ALDH3A1: variants seen among roughly 807,000 people sequenced by gnomAD.
ALDH3A1 encodes the protein aldehyde dehydrogenase 3 family member A1, also known as aldehyde dehydrogenase, dimeric NADP-preferring.
Under a neutral mutation model 49.9 loss-of-function variants are expected in ALDH3A1, and 46 were observed. That is an observed-to-expected ratio of 0.92 (90% confidence interval 0.73 to 1.18). The LOEUF (loss-of-function observed/expected upper bound fraction) is 1.18, where lower values mean the gene tolerates loss of function less well. ALDH3A1 is among the 50% of genes most tolerant of loss of function. The pLI, the probability that ALDH3A1 is intolerant of heterozygous loss-of-function variation, is 0.00. For synonymous variants in ALDH3A1, 269 were observed against 253.3 expected (o/e 1.06, Z -0.59); for missense variants, 592 against 611.8 (o/e 0.97, Z 0.34).
Position 19,739,514 on chromosome 17 carries a change from G to A in ALDH3A1, c.1110C>T (p.Asn370=), listed in dbSNP as rs374241489. 65 of 1,609,636 alleles carry A rather than the reference G, an allele frequency of 4.0e-5. No individual in the cohort carries two copies. Among genetic ancestry groups the A allele is most frequent in the East Asian group, 3.4e-4 (15 of 44,774 alleles). The change falls in exon 8 of 11, where the codon AAC becomes AAT. Residue 370 remains asparagine, a synonymous_variant. Transcript: ENST00000225740. ...KPLALYMFSS[N]DKVIKKMIAE... ...CCCCAGGCCCACCACCCACCTTGTC[G>A]TTGCTGGAGAACATGTAGAGGGCCA... is the stretch of plus-strand genomic sequence containing the variant.
Position 19,743,792 on chromosome 17 carries a change from G to C in ALDH3A1, c.163-329C>G. ...CAGGGGAGAGTAGATTCAGGCAGTG[G>C]GAATGGATCCGGGGAGGGGGGGATG... On this transcript the variant is annotated intron_variant, in intron 2 of 10. Transcript: ENST00000225740. The surrounding 1 kb of genome is among the most constrained non-coding windows in gnomAD (Gnocchi z 4.4). 1 of 978,470 alleles carries C rather than the reference G, an allele frequency of 1.0e-6. No homozygotes were observed. Among genetic ancestry groups the C allele is most frequent in the Non-Finnish European group, 1.2e-6 (1 of 824,432 alleles). The allele number at this position is 978,470 out of a possible 1,614,324, so 60.6% of individuals were successfully genotyped here.
At position 19,743,479 on chromosome 17, in the gene ALDH3A1, C is replaced by T. The variant is rs776579263; in HGVS notation, c.163-16G>A. Reference sequence around the variant, plus strand: ...TCCATTCATTCTGCAGCGACAGAGCCGGAGTGAGCTTCCAGGGCCAGGGCC... The same window carrying T: ...TCCATTCATTCTGCAGCGACAGAGCTGGAGTGAGCTTCCAGGGCCAGGGCC... On this transcript the variant is annotated splice_polypyrimidine_tract_variant and intron_variant, in intron 2 of 10. Transcript: ENST00000225740. The surrounding 1 kb of genome is among the most constrained non-coding windows in gnomAD (Gnocchi z 4.4). 11 of 1,573,010 alleles carry T rather than the reference C, an allele frequency of 7.0e-6. No homozygotes were observed. Among genetic ancestry groups the T allele is most frequent in the Non-Finnish European group, 8.6e-6 (10 of 1,156,726 alleles).
chr17:19,743,630 G>A lies in ALDH3A1; in HGVS notation c.163-167C>T, dbSNP rs999359561. ...AGGGGAAGCAGAGCCAGGATTAGCC[G>A]TTGGACCTGTGGGTCTGAGAGGACC... On this transcript the variant is annotated intron_variant, in intron 2 of 10. Coordinates refer to ENST00000225740, the MANE Select transcript of ALDH3A1 (RefSeq NM_000691.5). The surrounding 1 kb of genome is among the most constrained non-coding windows in gnomAD (Gnocchi z 4.4). 4.6e-5 allele frequency: 65 copies of A among 1,421,406 alleles called. 1 individual carries two copies. Among genetic ancestry groups the A allele is most frequent in the South Asian group, 3.7e-4 (24 of 65,550 alleles). The allele number at this position is 1,421,406 out of a possible 1,614,324, so 88.0% of individuals were successfully genotyped here.
intron 6 of ALDH3A1, 70 bp from the exon 7 acceptor site, chr17:19,740,547 C>A (rs2086473387): frequency 6.4e-7 from 1 of 1,558,174 alleles, no homozygotes; most frequent in African/African-American, 1.4e-5. Context: ...TGCACAGACA[C>A]AGGCCAGCAG....
rs2086575315 is a variant in ALDH3A1, at chr17:19,745,043, C to G, written c.87G>C (p.Gln29His). ...RTRPLQFRIQ[Q>H]LEALQRLIQE... ...GGATCAGGCGCTGCAGCGCCTCCAG[C>G]TGCTGGATCCGGAACTGCAGCGGAC... is the stretch of plus-strand genomic sequence containing the variant. Residue 29 changes from glutamine (Q) to histidine (H), a missense_variant, in exon 2 of 11, where the codon CAG becomes CAC. Physicochemically the swap from Gln to His is conservative, Grantham distance 24. Coordinates refer to ENST00000225740, the MANE Select transcript of ALDH3A1 (RefSeq NM_000691.5). 1.3e-6 allele frequency: 2 copies of G among 1,597,310 alleles called. No individual in the cohort carries two copies. Among genetic ancestry groups the G allele is most frequent in the Non-Finnish European group, 8.5e-7 (1 of 1,178,954 alleles).
At chr17:19,740,977 T>C in intron 6 of ALDH3A1, 116 bp downstream of exon 6, 1 of 798,584 alleles carries the variant, frequency 1.3e-6, no homozygotes, top group Non-Finnish European at 2.1e-6. Context: ...GCATTATGTT[T>C]ATATTAGAAG....
At chr17:19,746,314 A>G (rs1372519331) in intron 1 of ALDH3A1, among the ~76,000 whole-genome samples, 1 of 152,056 alleles carries the variant, frequency 6.6e-6, no homozygotes, top group East Asian at 1.9e-4. Context: ...GCTTGAACCA[A>G]GCTGAGAGGA....
intron 1 of ALDH3A1, among the ~76,000 whole-genome samples, chr17:19,747,738 C>T (rs1224682074): frequency 6.6e-6 from 1 of 152,184 alleles, no homozygotes; most frequent in Non-Finnish European, 1.5e-5. Flanking sequence ...CTCACCTGTG[C>T]CAGTGTTGAC....
intron 2 of ALDH3A1, chr17:19,744,499 T>A: frequency 1.6e-5 from 16 of 985,344 alleles, no homozygotes; most frequent in Non-Finnish European, 1.9e-5. Flanking sequence ...CCAGGCAGCA[T>A]GTGGGGACAG....
Position 19,741,330 on chromosome 17 carries a change from G to A in ALDH3A1, c.690-120C>T, listed in dbSNP as rs2086488451. The A allele has an allele frequency of 1.1e-5, 9 of 797,034 alleles. No individual in the cohort carries two copies. In the East Asian group the frequency reaches 2.3e-4, roughly 20 times the overall value. 49.4% of individuals were successfully genotyped at this position (797,034 alleles called of 1,614,324 possible). ...TCGGCTGTGACCTTGCCACCAGTGA[G>A]TCCTCCCAAGCGGTCTGCTCACTTC... is the stretch of plus-strand genomic sequence containing the variant. On this transcript the variant is annotated intron_variant, in intron 5 of 10. Transcript: ENST00000225740.
In ALDH3A1 at chr17:19,739,574, C is replaced by T; in HGVS notation, c.1050G>A (p.Glu350=). 1 of 1,613,746 alleles carries T rather than the reference C, an allele frequency of 6.2e-7. No individual in the cohort carries two copies. The highest frequency in any genetic ancestry group is 8.5e-7 in the Non-Finnish European group (1 of 1,179,930). ...CACGCTGGTTGATGAACTGGATGGCCTCCTCCAGGCTGCGCACGCACACGA... is the reference window on the plus strand; with the variant it reads ...CACGCTGGTTGATGAACTGGATGGCTTCCTCCAGGCTGCGCACGCACACGA... ...LPIVCVRSLE[E]AIQFINQREK... is the part of the protein sequence containing the mutation. The change falls in exon 8 of 11, where the codon GAG becomes GAA. Residue 350 remains glutamate (E), a synonymous_variant. Coordinates refer to ENST00000225740, the MANE Select transcript of ALDH3A1 (RefSeq NM_000691.5).
In ALDH3A1 at chr17:19,738,308, C is replaced by T. The variant is rs375771662; in HGVS notation, c.1347+15G>A. The T allele has an allele frequency of 1.2e-5, 19 of 1,613,486 alleles. No homozygotes were observed. Among genetic ancestry groups the T allele is most frequent in the South Asian group, 8.8e-5 (8 of 91,086 alleles). On this transcript the variant is annotated intron_variant, in intron 10 of 10. Coordinates refer to ENST00000225740, the MANE Select transcript of ALDH3A1 (RefSeq NM_000691.5). ...GCACAGCCCGGTCTCCCCCACAGCG[C>T]CTTCCCCCTCTCACCTTGGCCGGGC...
chr17:19,748,217 C>A lies in ALDH3A1; in HGVS notation c.-6+42G>T, dbSNP rs771321411. 1 of 437,446 alleles carries A rather than the reference C, an allele frequency of 2.3e-6. No individual in the cohort carries two copies. The highest frequency in any genetic ancestry group is 1.6e-5 in the South Asian group (1 of 61,986). 27.1% of individuals were successfully genotyped at this position (437,446 alleles called of 1,614,324 possible). On this transcript the variant is annotated intron_variant, in intron 1 of 10. Coordinates refer to ENST00000225740, the MANE Select transcript of ALDH3A1 (RefSeq NM_000691.5). The surrounding 1 kb of genome is among the most constrained non-coding windows in gnomAD (Gnocchi z 4.4). ...CCCCGGCTCTGAGTGCAGACTCCAC[C>A]TAGACAAGAGAAAAAATAAGGAATG... is the stretch of plus-strand genomic sequence containing the variant.
chr17:19,745,100 G>T lies in ALDH3A1; in HGVS notation c.30C>A (p.Arg10=), dbSNP rs1567656198. 6.3e-7 allele frequency: 1 copy of T among 1,588,302 alleles called. No individual in the cohort carries two copies. The change falls in exon 2 of 11, where the codon CGC becomes CGA. Residue 10 remains arginine (R), a synonymous_variant. Coordinates refer to ENST00000225740, the MANE Select transcript of ALDH3A1 (RefSeq NM_000691.5). ...TGCCCGAGCTGAAGGCGGCGCGGGC[G>T]CGCTTCACGGCCTCGCTGATCTTGC... MSKISEAVK[R]ARAAFSSGRT... is the part of the protein sequence containing the mutation.
Position 19,744,904 on chromosome 17 carries a change from C to A in ALDH3A1, c.162+64G>T, listed in dbSNP as rs112422668. On this transcript the variant is annotated intron_variant, in intron 2 of 10. Transcript: ENST00000225740. ...TCTCTGGGTCGCACTCTCCCCAGCC[C>A]CTCCCCCCACGCCCCATCGCATGGC... is the stretch of plus-strand genomic sequence containing the variant. The A allele has an allele frequency of 4.1e-5, 27 of 661,214 alleles. 5 individuals carry two copies. The highest frequency in any genetic ancestry group is 8.8e-5 in the East Asian group (1 of 11,302). The allele number at this position is 661,214 out of a possible 1,614,324, so 41.0% of individuals were successfully genotyped here. A position where few individuals can be genotyped will look rare whatever the true frequency, so the allele number is the denominator to read the frequency against.
At chr17:19,747,393 C>A (rs1463182969) in intron 1 of ALDH3A1, among the ~76,000 whole-genome samples, 1 of 152,176 alleles carries the variant, frequency 6.6e-6, no homozygotes, top group African/African-American at 2.4e-5. Context: ...TGGGCCAGGC[C>A]CCTCCTGCTG....
rs1243824473 is a variant in ALDH3A1 at position 19,745,022 on chromosome 17, C to T, written c.108G>A (p.Leu36=). ...RIQQLEALQR[L]IQEQEQELVG... is the part of the protein sequence containing the mutation. ...CCAGCTCCTGCTCCTGCTCCTGGAT[C>T]AGGCGCTGCAGCGCCTCCAGCTGCT... Residue 36 remains leucine, a synonymous_variant, in exon 2 of 11, where the codon CTG becomes CTA. Coordinates refer to ENST00000225740, the MANE Select transcript of ALDH3A1 (RefSeq NM_000691.5). The T allele has an allele frequency of 6.3e-7, 1 of 1,594,424 alleles. No homozygotes were observed.
Position 19,740,159 on chromosome 17 carries a change from C to G in ALDH3A1, c.949+177G>C, listed in dbSNP as rs540633466. On this transcript the variant is annotated intron_variant, in intron 7 of 10. Transcript: ENST00000225740. ...GGGAGAGGGGATTCTGAGGTTGAAG[C>G]AGGGGCTGTCCTCAGCCCCTGCCTG... 25 of 694,772 alleles carry G rather than the reference C, an allele frequency of 3.6e-5. 1 individual carries two copies. The African/African-American group carries it at 3.8e-4, about 10-fold the overall frequency. The allele number at this position is 694,772 out of a possible 1,614,324, so 43.0% of individuals were successfully genotyped here. A position where few individuals can be genotyped will look rare whatever the true frequency, so the allele number is the denominator to read the frequency against.
chr17:19,740,352 G>A lies in ALDH3A1; in HGVS notation c.933C>T (p.Ala311=), dbSNP rs144805447. ...QKVAYGGTGD[A]ATRYIAPTIL... ...GTCACGCACCTATGTAGCGAGTGGC[G>A]GCATCCCCGGTGCCCCCATAAGCCA... is the stretch of plus-strand genomic sequence containing the variant. The change falls in exon 7 of 11, where the codon GCC becomes GCT. Residue 311 remains alanine (A), a synonymous_variant. Coordinates refer to ENST00000225740, the MANE Select transcript of ALDH3A1 (RefSeq NM_000691.5). 3.4e-3 allele frequency: 5,425 copies of A among 1,613,914 alleles called. 15 individuals carry two copies. Among genetic ancestry groups the A allele is most frequent in the Non-Finnish European group, 3.9e-3 (4,560 of 1,179,974 alleles).
Sources: gnomAD v4.1 joint callset for allele counts (sites outside exome capture counted in the v4.1 genomes callset) on GRCh38, gnomAD v4.1.1 for gene constraint, Gnocchi (gnomAD v3.1) non-coding constraint, MANE v1.5 for transcripts, NCBI Gene and HGNC (gene_info 2026-07-23, HGNC 2026-07-21) for gene names.